Variants in KRAS observed in about 807,000 individuals in gnomAD.
The protein encoded by KRAS is KRas proto-oncogene, GTPase, also known as GTPase KRas.
KRAS carries 1 observed loss-of-function variant against 21.0 expected under a neutral mutation model. The ratio of observed to expected loss-of-function variants is 0.05; its 90% confidence interval spans 0.02 to 0.23. KRAS has a LOEUF of 0.23. KRAS is among the 10% of genes least tolerant of loss of function. The pLI is 1.00. For missense variants in KRAS, 107 were observed against 221.8 expected (o/e 0.48, Z 3.29); for synonymous variants, 67 against 72.5 (o/e 0.92, Z 0.39).
At chr12:25,220,564 T>C (rs1489239866) in intron 4 of KRAS, among the ~76,000 whole-genome samples, 1 of 151,820 alleles carries the variant, frequency 6.6e-6, no homozygotes, top group African/African-American at 2.4e-5. Flanking sequence ...CCGTCTCTAC[T>C]AAAAATACAA....
chr12:25,209,588 A>G lies in KRAS; in HGVS notation c.*207T>C. The G allele has an allele frequency of 1.5e-6, 2 of 1,336,526 alleles. No homozygotes were observed. The highest frequency in any genetic ancestry group is 1.9e-6 in the Non-Finnish European group (2 of 1,046,994). 82.8% of individuals were successfully genotyped at this position (1,336,526 alleles called of 1,614,324 possible). On this transcript the variant is annotated 3_prime_UTR_variant, in exon 5 of 5. Transcript: ENST00000311936. ...CTTTTTCACAGGCATTGCTAGTTCA[A>G]AAACCAAAACTCTGGGAATACTGGC...
rs1951168770 is a variant in KRAS at position 25,208,631 on chromosome 12, C to G, written c.*1164G>C. 9 of 232,930 alleles carry G rather than the reference C, an allele frequency of 3.9e-5. 1 individual carries two copies. In the East Asian group the frequency reaches 5.5e-4, roughly 14 times the overall value. 14.4% of individuals were successfully genotyped at this position (232,930 alleles called of 1,614,324 possible). On this transcript the variant is annotated 3_prime_UTR_variant, in exon 5 of 5. Coordinates refer to ENST00000311936, the MANE Select transcript of KRAS (RefSeq NM_004985.5). ...AACAAAAGCAATGCTCTTGATTTGT[C>G]AGCAGGACCACCACAGAGTGAGATT... is the stretch of plus-strand genomic sequence containing the variant.
chr12:25,213,626 T>TCTAC (rs1951222602), intron 4 of KRAS, among the ~76,000 whole-genome samples: 1 of 152,196 alleles, frequency 6.6e-6, no homozygotes, highest in Non-Finnish European at 1.5e-5. Context: ...TGGGATTGAG[T>TCTAC]CTACTATTCA....
intron 3 of KRAS, among the ~76,000 whole-genome samples, chr12:25,226,624 C>T (rs1209359040): frequency 6.6e-6 from 1 of 152,138 alleles, no homozygotes; most frequent in African/African-American, 2.4e-5. Flanking sequence ...TATTATATGA[C>T]ATAGCCACTG....
At chr12:25,234,195 T>G (rs188240205) in intron 2 of KRAS, 2 of 171,550 alleles carry the variant, frequency 1.2e-5, no homozygotes, top group Admixed American at 1.3e-4. Flanking sequence ...TTATATAATA[T>G]GTAAAGTTTT....
chr12:25,217,340 G>T (rs1156521367), intron 4 of KRAS, among the ~76,000 whole-genome samples: 1 of 152,092 alleles, frequency 6.6e-6, no homozygotes. Flanking sequence ...CTTTAGTAAA[G>T]TACAGAAATT....
chr12:25,218,016 A>ATTTTG (rs1951274288), intron 4 of KRAS, among the ~76,000 whole-genome samples: 1 of 152,230 alleles, frequency 6.6e-6, no homozygotes, highest in Non-Finnish European at 1.5e-5. Context: ...TTAATAAGCA[A>ATTTTG]CATAAATAAT....
In KRAS at chr12:25,231,919, T is replaced by A. The variant is rs569691940; in HGVS notation, c.112-4507A>T. ...GAAAACAAACGCAACAAAAATTATA[T>A]ATTAATAAAGATTCTGTTCCAACTT... On this transcript the variant is annotated intron_variant, in intron 2 of 4. Coordinates refer to ENST00000311936, the MANE Select transcript of KRAS (RefSeq NM_004985.5). Among the ~76,000 whole-genome samples, 4 of 152,204 alleles carry A rather than the reference T, an allele frequency of 2.6e-5. No individual in the cohort carries two copies. The South Asian group carries it at 8.3e-4, about 32-fold the overall frequency.
At chr12:25,220,593 G>A (rs1217112545) in intron 4 of KRAS, among the ~76,000 whole-genome samples, 1 of 152,056 alleles carries the variant, frequency 6.6e-6, no homozygotes, top group Non-Finnish European at 1.5e-5. Context: ...TGGGCGTGGT[G>A]GTGTGCACCC....
chr12:25,233,851 G>A (rs1054303113), intron 2 of KRAS: 2 of 193,704 alleles, frequency 1.0e-5, no homozygotes, highest in African/African-American at 4.6e-5. Flanking sequence ...ACTAAAAAAT[G>A]AATGGAAATT....
At position 25,208,106 on chromosome 12, in the gene KRAS, T is replaced by C. The variant is rs1592792637; in HGVS notation, c.*1689A>G. 2 of 233,308 alleles carry C rather than the reference T, an allele frequency of 8.6e-6. No individual in the cohort carries two copies. Among genetic ancestry groups the C allele is most frequent in the Non-Finnish European group, 1.7e-5 (2 of 117,982 alleles). The allele number at this position is 233,308 out of a possible 1,614,324, so 14.5% of individuals were successfully genotyped here. A position where few individuals can be genotyped will look rare whatever the true frequency, so the allele number is the denominator to read the frequency against. On this transcript the variant is annotated 3_prime_UTR_variant, in exon 5 of 5. Transcript: ENST00000311936. ...GTAACATAGGTTAAAAATTTACAGATTGTGCTGAGCTTGACAAATAAGTGT... is the reference window on the plus strand; with the variant it reads ...GTAACATAGGTTAAAAATTTACAGACTGTGCTGAGCTTGACAAATAAGTGT...
At chr12:25,238,092 A>G (rs1951565658) in intron 2 of KRAS, among the ~76,000 whole-genome samples, 1 of 152,206 alleles carries the variant, frequency 6.6e-6, no homozygotes, top group African/African-American at 2.4e-5. Flanking sequence ...ACTAAAAGTA[A>G]GGATAAAGAA....
At chr12:25,240,681 T>TA (rs1217239099) in intron 2 of KRAS, among the ~76,000 whole-genome samples, 4 of 152,180 alleles carry the variant, frequency 2.6e-5, no homozygotes, top group Non-Finnish European at 5.9e-5. Flanking sequence ...ACCAGAATCT[T>TA]AGGAGATTCC....
chr12:25,246,094 A>T (rs1375935565), intron 1 of KRAS, among the ~76,000 whole-genome samples: 1 of 147,538 alleles, frequency 6.8e-6, no homozygotes, highest in Admixed American at 7.0e-5. Context: ...GGTTGCAATG[A>T]GCCGAGATGG....
At chr12:25,215,312 T>C (rs1951241558) in intron 4 of KRAS, 3 of 1,399,218 alleles carry the variant, frequency 2.1e-6, no homozygotes, top group Non-Finnish European at 2.9e-6. Context: ...TGGAAACAAG[T>C]TTCTTATCTT....
chr12:25,234,226 C>T (rs1283608391), intron 2 of KRAS: 1 of 173,530 alleles, frequency 5.8e-6, no homozygotes, highest in Non-Finnish European at 1.2e-5. Flanking sequence ...ACAACCAAAA[C>T]AATACACACA....
At chr12:25,234,553 G>GT (rs891148624) in intron 2 of KRAS, 38 of 185,124 alleles carry the variant, frequency 2.1e-4, no homozygotes, top group African/African-American at 4.2e-4. Context: ...TGTTATATAG[G>GT]TTTTTTTTCT....
intron 2 of KRAS, among the ~76,000 whole-genome samples, chr12:25,244,808 G>A (rs543817651): frequency 5.3e-5 from 8 of 151,944 alleles, no homozygotes; most frequent in South Asian, 4.1e-4. Context: ...AAATTTATCC[G>A]GTAGTTGTAG....
intron 1 of KRAS, among the ~76,000 whole-genome samples, chr12:25,248,386 G>A (rs1320044184): frequency 6.9e-6 from 1 of 145,270 alleles, no homozygotes; most frequent in African/African-American, 2.5e-5. Context: ...AGAGTCGGAG[G>A]TAGTAGCGGG....
Sources: allele counts gnomAD v4.1 joint callset (sites outside exome capture counted in the v4.1 genomes callset), GRCh38; gene constraint gnomAD v4.1.1; transcripts MANE v1.5; gene names NCBI Gene and HGNC (gene_info 2026-07-23, HGNC 2026-07-21).